The following MYCBP2 variants were observed in gnomAD, a reference collection of about 807,000 sequenced individuals.
The protein encoded by MYCBP2 is MYC binding protein 2.
A neutral mutation model predicts 525.3 loss-of-function variants in MYCBP2; 120 were observed. That is an observed-to-expected ratio of 0.23 (90% confidence interval 0.20 to 0.27). The LOEUF is 0.27. MYCBP2 is among the 10% of genes least tolerant of loss of function. MYCBP2 has a pLI of 1.00. For missense variants in MYCBP2, 4,149 were observed against 5,657.1 expected (o/e 0.73, Z 8.55); for synonymous variants, 1,894 against 1,955.8 (o/e 0.97, Z 0.83).
intron 1 of MYCBP2, among the ~76,000 whole-genome samples, chr13:77,305,160 T>G (rs1275877328): frequency 6.6e-6 from 1 of 152,052 alleles, no homozygotes; most frequent in Non-Finnish European, 1.5e-5. Flanking sequence ...ATTTCCCAAC[T>G]CATAAGACAA....
At chr13:77,217,978 G>GT (rs778293280) in intron 20 of MYCBP2, 21 bp from the exon 21 acceptor site, 123 of 1,312,630 alleles carry the variant, frequency 9.4e-5, no homozygotes, top group Non-Finnish European at 1.3e-4. Flanking sequence ...AAAAAAAAAA[G>GT]TAAGTCAATT....
intron 7 of MYCBP2, 71 bp from the exon 8 acceptor site, chr13:77,268,008 T>C (rs1037144544): frequency 6.7e-6 from 6 of 901,584 alleles, no homozygotes; most frequent in Non-Finnish European, 1.1e-5. Context: ...GCCATACAGC[T>C]CCATATTACA....
intron 55 of MYCBP2, among the ~76,000 whole-genome samples, chr13:77,106,787 GGTTT>G (rs2047922807): frequency 6.6e-6 from 1 of 151,808 alleles, no homozygotes; most frequent in Admixed American, 6.6e-5. Flanking sequence ...GACATGTGTA[GGTTT>G]GTTACATGGG....
At chr13:77,201,545 A>C (rs979091287) in intron 26 of MYCBP2, among the ~76,000 whole-genome samples, 4 of 152,026 alleles carry the variant, frequency 2.6e-5, no homozygotes, top group African/African-American at 4.8e-5. Context: ...AAGCGGACCT[A>C]ATAGACATCT....
Position 77,150,713 on chromosome 13 carries a change from CTGA to C in MYCBP2, c.7131+18_7131+20del, listed in dbSNP as rs1320194576. On this transcript the variant is annotated intron_variant, in intron 47 of 82. Transcript: ENST00000544440. ...ACAAATGCTGAAAACTAAAATTTTT[CTGA>C]TAAGTAAAATAAATTACCTTCATCA... 2 of 1,596,638 alleles carry C rather than the reference CTGA, an allele frequency of 1.3e-6. No individual in the cohort carries two copies. The highest frequency in any genetic ancestry group is 1.7e-6 in the Non-Finnish European group (2 of 1,170,186).
At chr13:77,196,496 G>A (rs1595336002) in intron 26 of MYCBP2, among the ~76,000 whole-genome samples, 1 of 152,218 alleles carries the variant, frequency 6.6e-6, no homozygotes, top group East Asian at 1.9e-4. Flanking sequence ...GAGAATGGCT[G>A]TGGCATGACC....
chr13:77,153,508 T>C (rs530008341), intron 46 of MYCBP2, among the ~76,000 whole-genome samples: 43 of 152,252 alleles, frequency 2.8e-4, no homozygotes, highest in Non-Finnish European at 1.0e-4. Context: ...TATTTCAATT[T>C]AACCTTTCTG....
In MYCBP2 at chr13:77,261,442, G is replaced by GA. The variant is rs969955374; in HGVS notation, c.1648-68dup. ...AATAGTGCATCAGGTTTCACATGAG[G>GA]AAAAAAAAGGACATCAATATTTTAT... On this transcript the variant is annotated intron_variant, in intron 11 of 82. Transcript: ENST00000544440. 584 of 1,063,628 alleles carry GA rather than the reference G, an allele frequency of 5.5e-4. 4 individuals carry two copies. In the African/African-American group the frequency reaches 7.8e-3, roughly 14 times the overall value. The allele number at this position is 1,063,628 out of a possible 1,614,324, so 65.9% of individuals were successfully genotyped here. A position where few individuals can be genotyped will look rare whatever the true frequency, so the allele number is the denominator to read the frequency against.
chr13:77,050,946 A>C (rs765173033), intron 82 of MYCBP2, 51 bp downstream of exon 82: 35 of 1,460,590 alleles, frequency 2.4e-5, no homozygotes, highest in Non-Finnish European at 3.2e-5. Flanking sequence ...TGTTTACATA[A>C]AACTATGGTA....
chr13:77,143,242 G>A lies in MYCBP2; in HGVS notation c.7303+1203C>T, dbSNP rs527588187. The stretch of plus-strand genomic sequence containing the variant: ...AGGCATTACTTTTGCGTCTGTGAGG[G>A]TGTTTCCAGACAAGACTGGCGTGTG... On this transcript the variant is annotated intron_variant, in intron 49 of 82. Coordinates refer to ENST00000544440, the MANE Select transcript of MYCBP2 (RefSeq NM_015057.5). Among the ~76,000 whole-genome samples the A allele has an allele frequency of 4.6e-5, 7 of 152,356 alleles. No homozygotes were observed. In the South Asian group the frequency reaches 1.5e-3, roughly 32 times the overall value.
At position 77,151,024 on chromosome 13, in the gene MYCBP2, T is replaced by C. The variant is rs753274654; in HGVS notation, c.6916-75A>G. ...TGACATCAAAATAAGCAACTTACTA[T>C]TATAAACTCATAATTATGTATACTT... On this transcript the variant is annotated intron_variant, in intron 46 of 82. Coordinates refer to ENST00000544440, the MANE Select transcript of MYCBP2 (RefSeq NM_015057.5). The C allele has an allele frequency of 2.5e-4, 297 of 1,168,174 alleles. 2 individuals carry two copies. Among genetic ancestry groups the C allele is most frequent in the Middle Eastern group, 2.0e-4 (1 of 5,106 alleles). The allele number at this position is 1,168,174 out of a possible 1,614,324, so 72.4% of individuals were successfully genotyped here.
intron 17 of MYCBP2, among the ~76,000 whole-genome samples, chr13:77,241,741 T>G (rs2068862060): frequency 1.3e-5 from 2 of 152,178 alleles, no homozygotes; most frequent in African/African-American, 4.8e-5. Context: ...AAGAACACTC[T>G]TCATGTGCCA....
At chr13:77,121,617 G>T in intron 54 of MYCBP2, 122 bp from the exon 55 acceptor site, 3 of 965,328 alleles carry the variant, frequency 3.1e-6, no homozygotes, top group Non-Finnish European at 2.8e-6. Flanking sequence ...CTCACATCTA[G>T]ATTTGATCAA....
chr13:77,179,625 A>T (rs1595175620), intron 34 of MYCBP2, among the ~76,000 whole-genome samples: 1 of 152,248 alleles, frequency 6.6e-6, no homozygotes, highest in East Asian at 1.9e-4. Context: ...CAAATTTTAT[A>T]TTATGTATAT....
At chr13:77,099,925 GGCATTAGA>G in intron 55 of MYCBP2, 1 of 152,030 alleles carries the variant, frequency 6.6e-6, no homozygotes, top group African/African-American at 2.4e-5. Flanking sequence ...TTTTCTTTGA[GGCATTAGA>G]GCCAGGCTGT....
In MYCBP2 at chr13:77,081,708, T is replaced by A; in HGVS notation, c.11194-57A>T. 1 of 1,541,106 alleles carries A rather than the reference T, an allele frequency of 6.5e-7. No individual in the cohort carries two copies. Among genetic ancestry groups the A allele is most frequent in the Non-Finnish European group, 8.8e-7 (1 of 1,140,728 alleles). On this transcript the variant is annotated intron_variant, in intron 64 of 82. Transcript: ENST00000544440. This position sits in a 1 kb window ranked among gnomAD's most constrained non-coding sequence, Gnocchi z 4.6. ...CTTAAAAGCAAATCTTTCGTGATGA[T>A]AAAACAAACAGGTATAAGATAAAAC...
chr13:77,295,845 T>C (rs868725852), intron 2 of MYCBP2, among the ~76,000 whole-genome samples: 1 of 152,216 alleles, frequency 6.6e-6, no homozygotes, highest in African/African-American at 2.4e-5. Context: ...ATATTCCATA[T>C]TGCCTTTTCT....
chr13:77,056,876 G>T, intron 79 of MYCBP2, 110 bp downstream of exon 79: 2 of 743,268 alleles, frequency 2.7e-6, no homozygotes, highest in Non-Finnish European at 2.3e-6. Context: ...GGAAGAAACT[G>T]CTAGGGGCTG....
At chr13:77,064,586 A>C in intron 73 of MYCBP2, 29 bp downstream of exon 73, 1 of 1,567,132 alleles carries the variant, frequency 6.4e-7, no homozygotes, top group Non-Finnish European at 8.7e-7. Flanking sequence ...CACCAAATTT[A>C]AAACAAAACA....
Sources: gnomAD v4.1 joint callset for allele counts (sites outside exome capture counted in the v4.1 genomes callset) on GRCh38, gnomAD v4.1.1 for gene constraint, Gnocchi (gnomAD v3.1) non-coding constraint, MANE v1.5 for transcripts, NCBI Gene and HGNC (gene_info 2026-07-23, HGNC 2026-07-21) for gene names.